The following NXPE2 variants were observed in gnomAD, a reference collection of about 807,000 sequenced individuals.
NXPE2 encodes the protein NXPE family member 2.
NXPE2 carries 34 observed loss-of-function variants against 34.4 expected under a neutral mutation model. That is an observed-to-expected ratio of 0.99 (90% CI 0.75 to 1.31). NXPE2 has a LOEUF of 1.31. Among genes scored for constraint, NXPE2 ranks in the 40% most tolerant of loss-of-function variants. NXPE2 has a pLI of 0.00. For missense variants in NXPE2, 649 were observed against 672.5 expected (o/e 0.97, Z 0.39); for synonymous variants, 235 against 231.3 (o/e 1.02, Z -0.15).
At chr11:114,548,819 T>G in the NXPE2 span, among the ~76,000 whole-genome samples, 1 of 151,822 alleles carries the variant, frequency 6.6e-6, no homozygotes, top group Non-Finnish European at 1.5e-5. Flanking sequence ...GCAAAAGTAA[T>G]GCATTAAAAT....
At chr11:114,804,777 TG>T in the NXPE2 span, among the ~76,000 whole-genome samples, 2 of 152,098 alleles carry the variant, frequency 1.3e-5, no homozygotes, top group African/African-American at 4.8e-5. Flanking sequence ...GTTGTGTCCT[TG>T]TAGGAAAATG....
chr11:114,573,491 T>G, the NXPE2 span, among the ~76,000 whole-genome samples: 1 of 151,714 alleles, frequency 6.6e-6, no homozygotes, highest in African/African-American at 2.4e-5. Flanking sequence ...ACATAAGAAC[T>G]CACATAAACT....
At chr11:114,636,251 A>C in the NXPE2 span, among the ~76,000 whole-genome samples, 1,555 of 152,132 alleles carry the variant, frequency 0.01, 26 homozygotes, top group African/African-American at 0.035. Flanking sequence ...TTATTTGCGT[A>C]GAGGTGTTTG....
chr11:114,636,765 G>C, the NXPE2 span, among the ~76,000 whole-genome samples: 3 of 152,028 alleles, frequency 2.0e-5, no homozygotes, highest in African/African-American at 7.2e-5. Flanking sequence ...CCATGTAGTT[G>C]AGTAGTTTTG....
the NXPE2 span, among the ~76,000 whole-genome samples, chr11:114,590,153 C>T: frequency 3.5e-3 from 538 of 152,286 alleles, 2 homozygotes; most frequent in African/African-American, 0.013. Flanking sequence ...CTGAGTTTTC[C>T]CATCCTCAGG....
chr11:114,545,659 G>A, the NXPE2 span, among the ~76,000 whole-genome samples: 1 of 151,866 alleles, frequency 6.6e-6, no homozygotes, highest in South Asian at 2.1e-4. Context: ...AACTGCAAAA[G>A]CTCATTGAAT....
the NXPE2 span, among the ~76,000 whole-genome samples, chr11:114,767,013 C>T: frequency 1.3e-5 from 2 of 152,014 alleles, no homozygotes; most frequent in Non-Finnish European, 2.9e-5. Context: ...CTCTTTAATT[C>T]CATATGGAGT....
the NXPE2 span, among the ~76,000 whole-genome samples, chr11:114,743,865 GTATA>G: frequency 1.3e-5 from 2 of 149,822 alleles, no homozygotes; most frequent in South Asian, 2.1e-4. Context: ...GTATATATAA[GTATA>G]TATATGTGTA....
At chr11:114,468,344 AG>A in the NXPE2 span, among the ~76,000 whole-genome samples, 2 of 152,144 alleles carry the variant, frequency 1.3e-5, no homozygotes, top group Admixed American at 1.3e-4. Context: ...GGGAGACCCC[AG>A]GGTAAGTATG....
chr11:114,667,474 G>T, the NXPE2 span, among the ~76,000 whole-genome samples: 9 of 151,254 alleles, frequency 6.0e-5, no homozygotes, highest in Non-Finnish European at 1.0e-4. Context: ...CACCCTCAAA[G>T]AAGTGGAACC....
At chr11:114,705,296 T>C (rs1951450705) in intron 4 of NXPE2, among the ~76,000 whole-genome samples, 3 of 152,220 alleles carry the variant, frequency 2.0e-5, no homozygotes, top group African/African-American at 4.8e-5. Flanking sequence ...CCAGAGAAGA[T>C]GATTCTGGGA....
the NXPE2 span, among the ~76,000 whole-genome samples, chr11:114,629,387 A>C: frequency 5.3e-5 from 8 of 152,042 alleles, no homozygotes; most frequent in African/African-American, 1.9e-4. Flanking sequence ...AATAAATGTA[A>C]TCCAGCATAT....
the NXPE2 span, among the ~76,000 whole-genome samples, chr11:114,534,126 C>T: frequency 1.3e-5 from 2 of 152,184 alleles, no homozygotes; most frequent in East Asian, 1.9e-4. Context: ...TTGCGGTTAA[C>T]CAATATCCGC....
the NXPE2 span, among the ~76,000 whole-genome samples, chr11:114,672,574 A>C: frequency 6.6e-6 from 1 of 151,998 alleles, no homozygotes; most frequent in South Asian, 2.1e-4. Context: ...TACTGCCTAC[A>C]AGACACATAC....
chr11:114,600,264 T>A, the NXPE2 span, among the ~76,000 whole-genome samples: 1 of 152,176 alleles, frequency 6.6e-6, no homozygotes, highest in Non-Finnish European at 1.5e-5. Context: ...TAAGAAGACA[T>A]ATCTTGGTTG....
chr11:114,733,780 T>C, the NXPE2 span, among the ~76,000 whole-genome samples: 1 of 152,190 alleles, frequency 6.6e-6, no homozygotes, highest in Non-Finnish European at 1.5e-5. Flanking sequence ...CCAGGGGTCT[T>C]TCTAACCCCC....
At chr11:114,569,256 T>C in the NXPE2 span, among the ~76,000 whole-genome samples, 1 of 152,194 alleles carries the variant, frequency 6.6e-6, no homozygotes, top group African/African-American at 2.4e-5. Flanking sequence ...CATTGCTCTA[T>C]TCAACTGAAA....
At chr11:114,665,067 C>T in the NXPE2 span, among the ~76,000 whole-genome samples, 1 of 152,138 alleles carries the variant, frequency 6.6e-6, no homozygotes. Flanking sequence ...TACACAGCAT[C>T]ACTATTATCT....
chr11:114,765,157 C>T, the NXPE2 span, among the ~76,000 whole-genome samples: 2 of 152,310 alleles, frequency 1.3e-5, no homozygotes, highest in African/African-American at 4.8e-5. Context: ...TCCTGGTGAA[C>T]TCTTTAAGCT....
Sources: allele counts gnomAD v4.1 joint callset (sites outside exome capture counted in the v4.1 genomes callset), GRCh38; gene constraint gnomAD v4.1.1; transcripts MANE v1.5; gene names NCBI Gene and HGNC (gene_info 2026-07-23, HGNC 2026-07-21).